The following ATAD2 variants were observed in gnomAD, a reference collection of about 807,000 sequenced individuals.
ATAD2 encodes the protein ATPase family AAA domain containing 2.
ATAD2 carries 62 observed loss-of-function variants against 168.9 expected under a neutral mutation model. The ratio of observed to expected loss-of-function variants is 0.37; its 90% confidence interval spans 0.30 to 0.45. ATAD2 has a LOEUF of 0.45. Among genes scored for constraint, ATAD2 ranks in the 20% least tolerant of loss-of-function variants. ATAD2 has a pLI of 1.00. For missense variants in ATAD2, 1,419 were observed against 1,667.8 expected (o/e 0.85, Z 2.60); for synonymous variants, 613 against 571.6 (o/e 1.07, Z -1.03).
chr8:123,396,485 C>T, upstream of ATAD2: 3 of 994,464 alleles, frequency 3.0e-6, no homozygotes, highest in South Asian at 1.7e-5. Flanking sequence ...GCAGCGCGCG[C>T]GCCCAGAATC....
intron 1 of ATAD2, among the ~76,000 whole-genome samples, chr8:123,384,546 G>A (rs117853762): frequency 0.019 from 2,847 of 152,274 alleles, 47 homozygotes; most frequent in Non-Finnish European, 0.026. Flanking sequence ...GAATGGAGGG[G>A]CTCCCTTTGC....
At chr8:123,384,063 G>A (rs1481757010) in intron 1 of ATAD2, among the ~76,000 whole-genome samples, 1 of 147,740 alleles carries the variant, frequency 6.8e-6, no homozygotes, top group African/African-American at 2.5e-5. Context: ...CCTGGTGACA[G>A]AGCGAGACTC....
chr8:123,396,262 C>T lies in ATAD2; in HGVS notation c.96G>A (p.Glu32=). The part of the protein sequence containing the change: ...LDLSSDFLSL[E]HIGRRRLRSA... Reference sequence around the variant, plus strand: ...AGCGGAGCCGCCTCCGGCCGATGTGCTCCAGACTGAGGAAGTCACTGGACA... The same window carrying T: ...AGCGGAGCCGCCTCCGGCCGATGTGTTCCAGACTGAGGAAGTCACTGGACA... Residue 32 remains glutamate (E), a synonymous_variant, in exon 1 of 28, where the codon GAG becomes GAA. Transcript: ENST00000287394. 1 of 1,610,790 alleles carries T rather than the reference C, an allele frequency of 6.2e-7. No homozygotes were observed. The highest frequency in any genetic ancestry group is 8.5e-7 in the Non-Finnish European group (1 of 1,179,568).
intron 13 of ATAD2, among the ~76,000 whole-genome samples, chr8:123,349,807 TG>T (rs1828389261): frequency 6.8e-6 from 1 of 148,022 alleles, no homozygotes; most frequent in African/African-American, 2.5e-5. Flanking sequence ...GGGGCTGAGG[TG>T]GGAAGAGTAC....
chr8:123,371,604 A>G, intron 4 of ATAD2, 66 bp downstream of exon 4: 1 of 1,426,084 alleles, frequency 7.0e-7, no homozygotes, highest in Non-Finnish European at 9.5e-7. Context: ...GTTGAAATCC[A>G]TGATTCCTCC....
chr8:123,371,564 CGTA>C, intron 4 of ATAD2, 103 bp downstream of exon 4: 1 of 1,007,968 alleles, frequency 9.9e-7, no homozygotes, highest in Non-Finnish European at 1.4e-6. Context: ...GTACGCTTTA[CGTA>C]GTAGAATGCA....
At position 123,344,923 on chromosome 8, in the gene ATAD2, A is replaced by T. The variant is rs1452972584; in HGVS notation, c.2679T>A (p.Leu893=). Residue 893 remains leucine (L), a synonymous_variant, in exon 19 of 28, where the codon CTT becomes CTA. Transcript: ENST00000287394. ...CGGAATGGGGTTTGTCAGAAGTTGC[A>T]AGTAGTAAAACTGGAGCAAATGAAG... ...NIPSFAPVLL[L]ATSDKPHSAL... is the part of the protein sequence containing the mutation. 1.2e-6 allele frequency: 2 copies of T among 1,614,040 alleles called. No individual in the cohort carries two copies. Among genetic ancestry groups the T allele is most frequent in the Non-Finnish European group, 1.7e-6 (2 of 1,180,016 alleles).
At chr8:123,335,422 G>T (rs958762823) in intron 22 of ATAD2, among the ~76,000 whole-genome samples, 2 of 152,146 alleles carry the variant, frequency 1.3e-5, no homozygotes, top group Non-Finnish European at 1.5e-5. Flanking sequence ...AAAAATTTTA[G>T]TAGTTTCCTA....
intron 1 of ATAD2, 89 bp from the exon 2 acceptor site, chr8:123,380,766 T>C: frequency 1.5e-6 from 2 of 1,335,896 alleles, no homozygotes; most frequent in South Asian, 1.4e-5. Flanking sequence ...GATTACAAGT[T>C]AGTAAAAACT....
intron 1 of ATAD2, among the ~76,000 whole-genome samples, chr8:123,408,515 TCC>T (rs1246930749): frequency 6.7e-6 from 1 of 149,234 alleles, no homozygotes; most frequent in East Asian, 2.1e-4. Flanking sequence ...TCCCCTCCCC[TCC>T]CTTTCCTTTC....
At chr8:123,329,981 C>CTTCTTTTTTTTTTTTTTT (rs1827731295) in intron 24 of ATAD2, among the ~76,000 whole-genome samples, 2 of 100,342 alleles carry the variant, frequency 2.0e-5, no homozygotes, top group African/African-American at 7.2e-5. Flanking sequence ...CCAGTGGCTT[C>CTTCTTTTTTTTTTTTTTT]TTTTTTTTTT....
chr8:123,346,908 C>T (rs923569085), intron 16 of ATAD2, among the ~76,000 whole-genome samples, 158 bp from the exon 17 acceptor site: 1 of 152,096 alleles, frequency 6.6e-6, no homozygotes, highest in Non-Finnish European at 1.5e-5. Context: ...AAATGCACCC[C>T]AAACTTACAA....
Position 123,371,759 on chromosome 8 carries a change from A to G in ATAD2, c.447T>C (p.Asn149=), listed in dbSNP as rs770721091. The change falls in exon 4 of 28, where the codon AAT becomes AAC. Residue 149 remains asparagine (N), a synonymous_variant. Coordinates refer to ENST00000287394, the MANE Select transcript of ATAD2 (RefSeq NM_014109.4). ...VQSTEHLHED[N]GDVEVRRSCR... ...AACTTCGACGCACTTCAACATCACC[A>G]TTATCTTCATGTAAGTGTTCTGTAC... 6 of 1,613,478 alleles carry G rather than the reference A, an allele frequency of 3.7e-6. No individual in the cohort carries two copies. The highest frequency in any genetic ancestry group is 5.1e-6 in the Non-Finnish European group (6 of 1,179,776).
At chr8:123,371,147 A>C in intron 5 of ATAD2, 89 bp downstream of exon 5, 1 of 1,174,568 alleles carries the variant, frequency 8.5e-7, no homozygotes, top group Non-Finnish European at 1.2e-6. Flanking sequence ...ATGCTGGAAA[A>C]AGTAGATATT....
chr8:123,406,206 G>A (rs1388341081), intron 1 of ATAD2, among the ~76,000 whole-genome samples: 8 of 151,714 alleles, frequency 5.3e-5, no homozygotes, highest in Non-Finnish European at 7.4e-5. Flanking sequence ...GTGAAACTGT[G>A]TCTCTACTAA....
At chr8:123,409,544 G>A (rs1813122046) in intron 1 of ATAD2, among the ~76,000 whole-genome samples, 1 of 152,136 alleles carries the variant, frequency 6.6e-6, no homozygotes, top group Non-Finnish European at 1.5e-5. Flanking sequence ...ACAGGCTGGA[G>A]TGCCGTGGCT....
upstream of ATAD2, among the ~76,000 whole-genome samples, chr8:123,396,881 A>G (rs965591995): frequency 6.6e-6 from 1 of 151,778 alleles, no homozygotes; most frequent in Admixed American, 6.6e-5. Context: ...CCTTGACTGG[A>G]GGGAAATAAA....
At chr8:123,329,677 G>C (rs999340309) in intron 24 of ATAD2, among the ~76,000 whole-genome samples, 1 of 142,712 alleles carries the variant, frequency 7.0e-6, no homozygotes, top group Admixed American at 7.7e-5. Flanking sequence ...GTGTGAACCT[G>C]GGAGGCGGAG....
upstream of ATAD2, among the ~76,000 whole-genome samples, chr8:123,398,275 G>C (rs566601029): frequency 1.8e-4 from 25 of 138,354 alleles, no homozygotes; most frequent in East Asian, 4.3e-3. Context: ...CTGTTGCCCA[G>C]GCTGGAGTGC....
Sources: gnomAD v4.1 joint callset for allele counts (sites outside exome capture counted in the v4.1 genomes callset) on GRCh38, gnomAD v4.1.1 for gene constraint, MANE v1.5 for transcripts, NCBI Gene and HGNC (gene_info 2026-07-23, HGNC 2026-07-21) for gene names.